Variants in SIAH3 observed in about 807,000 individuals in gnomAD.
SIAH3 encodes the protein siah E3 ubiquitin protein ligase family member 3, also known as seven in absentia homolog 3.
Under a neutral mutation model 12.6 loss-of-function variants are expected in SIAH3, and 9 were observed. The ratio of observed to expected loss-of-function variants is 0.72; its 90% CI spans 0.43 to 1.25. The LOEUF (loss-of-function observed/expected upper bound fraction) is 1.25, where lower values mean the gene tolerates loss of function less well. Among genes scored for constraint, SIAH3 ranks in the 50% most tolerant of loss-of-function variants. SIAH3 has a pLI of 0.00. For missense variants in SIAH3, 390 were observed against 365.4 expected (o/e 1.07, Z -0.55); for synonymous variants, 154 against 151.1 (o/e 1.02, Z -0.14).
At chr13:45,796,094 G>A (rs1307583093) in intron 1 of SIAH3, among the ~76,000 whole-genome samples, 1 of 152,208 alleles carries the variant, frequency 6.6e-6, no homozygotes, top group Non-Finnish European at 1.5e-5. Flanking sequence ...GGGACCCGAG[G>A]GAGCCCCTGA....
At chr13:45,814,023 G>A (rs1950625282) in intron 1 of SIAH3, among the ~76,000 whole-genome samples, 2 of 152,088 alleles carry the variant, frequency 1.3e-5, no homozygotes, top group Non-Finnish European at 2.9e-5. Context: ...CGGATCATGA[G>A]GCCAGGAGAT....
At chr13:45,790,643 T>A (rs1308846132) in intron 1 of SIAH3, among the ~76,000 whole-genome samples, 1 of 152,202 alleles carries the variant, frequency 6.6e-6, no homozygotes. Context: ...CGACATGCAA[T>A]GTATGCTTGC....
chr13:45,833,162 G>T (rs933288822), intron 1 of SIAH3, among the ~76,000 whole-genome samples: 4 of 152,198 alleles, frequency 2.6e-5, no homozygotes, highest in African/African-American at 7.2e-5. Flanking sequence ...CCCCATTATA[G>T]CACCACTTTC....
At chr13:45,813,108 C>A (rs1950621647) in intron 1 of SIAH3, among the ~76,000 whole-genome samples, 1 of 151,922 alleles carries the variant, frequency 6.6e-6, no homozygotes, top group Non-Finnish European at 1.5e-5. Flanking sequence ...GAGCCTGGGT[C>A]AGTACTGAGT....
intron 1 of SIAH3, among the ~76,000 whole-genome samples, chr13:45,832,889 C>T (rs757896381): frequency 2.0e-5 from 3 of 152,250 alleles, no homozygotes; most frequent in Non-Finnish European, 2.9e-5. Context: ...TAAATCCTCT[C>T]TCAGAACATG....
intron 1 of SIAH3, among the ~76,000 whole-genome samples, chr13:45,841,902 G>A (rs1950741498): frequency 6.6e-6 from 1 of 152,182 alleles, no homozygotes; most frequent in South Asian, 2.1e-4. Flanking sequence ...GCAAGGTCCT[G>A]AGAACAAGAC....
chr13:45,814,235 T>C (rs574935943), intron 1 of SIAH3, among the ~76,000 whole-genome samples: 169 of 86,710 alleles, frequency 1.9e-3, no homozygotes, highest in Middle Eastern at 6.6e-3. Context: ...CAAGACTCTG[T>C]CTCAAAAAAA....
chr13:45,817,931 T>C (rs1950640179), intron 1 of SIAH3, among the ~76,000 whole-genome samples: 1 of 152,200 alleles, frequency 6.6e-6, no homozygotes, highest in African/African-American at 2.4e-5. Flanking sequence ...AGAGACCACC[T>C]GCCTGTTATC....
chr13:45,799,311 T>C (rs1479080323), intron 1 of SIAH3, among the ~76,000 whole-genome samples: 1 of 152,228 alleles, frequency 6.6e-6, no homozygotes, highest in Non-Finnish European at 1.5e-5. Context: ...AGACCTTAAT[T>C]TCCATGTCTA....
chr13:45,842,911 T>C (rs1253399292), intron 1 of SIAH3, among the ~76,000 whole-genome samples: 1 of 152,178 alleles, frequency 6.6e-6, no homozygotes, highest in South Asian at 2.1e-4. Context: ...GTTCTTCCAC[T>C]GTGCTGGGGA....
At chr13:45,816,729 C>T (rs1025077503) in intron 1 of SIAH3, among the ~76,000 whole-genome samples, 3 of 152,216 alleles carry the variant, frequency 2.0e-5, no homozygotes, top group Non-Finnish European at 4.4e-5. Context: ...AACTGCCCCT[C>T]ACCTGCTCCA....
intron 1 of SIAH3, 29 bp downstream of exon 1, chr13:45,851,466 G>C (rs934525378): frequency 7.4e-6 from 12 of 1,612,996 alleles, no homozygotes; most frequent in Non-Finnish European, 1.0e-5. Context: ...ACCTGAGCCC[G>C]GTGAAGGTAA....
At chr13:45,830,836 A>G (rs938632206) in intron 1 of SIAH3, among the ~76,000 whole-genome samples, 2 of 152,134 alleles carry the variant, frequency 1.3e-5, no homozygotes, top group Non-Finnish European at 2.9e-5. Flanking sequence ...ACTAACCAAA[A>G]AAAGGCAGAG....
intron 1 of SIAH3, among the ~76,000 whole-genome samples, chr13:45,840,911 T>C (rs1165467286): frequency 6.6e-6 from 1 of 152,146 alleles, no homozygotes; most frequent in Non-Finnish European, 1.5e-5. Flanking sequence ...TTTTTGACCT[T>C]TTTCTGTTTT....
At chr13:45,802,502 G>A (rs536882916) in intron 1 of SIAH3, among the ~76,000 whole-genome samples, 20 of 152,180 alleles carry the variant, frequency 1.3e-4, no homozygotes, top group Non-Finnish European at 2.8e-4. Context: ...AAAGGATAAT[G>A]GGAAAAGCTT....
intron 1 of SIAH3, among the ~76,000 whole-genome samples, chr13:45,845,228 T>C (rs2137585691): frequency 6.6e-6 from 1 of 150,972 alleles, no homozygotes; most frequent in East Asian, 2.0e-4. Context: ...GGAAGGTGCA[T>C]TATCACAATG....
intron 1 of SIAH3, among the ~76,000 whole-genome samples, chr13:45,795,734 A>T (rs1029122423): frequency 5.9e-5 from 9 of 152,170 alleles, no homozygotes; most frequent in Admixed American, 2.6e-4. Flanking sequence ...GTTATAATCA[A>T]TACCTGACAA....
chr13:45,789,078 A>C (rs897282744), intron 1 of SIAH3, among the ~76,000 whole-genome samples: 3 of 152,164 alleles, frequency 2.0e-5, no homozygotes, highest in Admixed American at 2.0e-4. Context: ...CCGCTCCAGG[A>C]CTGTGCCCTG....
intron 1 of SIAH3, among the ~76,000 whole-genome samples, chr13:45,792,733 C>T (rs897037504): frequency 2.0e-5 from 3 of 152,054 alleles, no homozygotes; most frequent in African/African-American, 7.2e-5. Flanking sequence ...TCTTTTTGAG[C>T]ATTTATATAG....
Sources: gnomAD v4.1 joint callset for allele counts (sites outside exome capture counted in the v4.1 genomes callset) on GRCh38, gnomAD v4.1.1 for gene constraint, MANE v1.5 for transcripts, NCBI Gene and HGNC (gene_info 2026-07-23, HGNC 2026-07-21) for gene names.